The following KRT6C variants were observed in gnomAD, a reference collection of about 807,000 sequenced individuals.
KRT6C encodes keratin 6C, also known as keratin, type II cytoskeletal 6C.
Under a neutral mutation model 49.4 loss-of-function variants are expected in KRT6C, and 46 were observed. That is an observed-to-expected ratio of 0.93 (90% confidence interval 0.74 to 1.19). KRT6C has a LOEUF of 1.19. Ranked by LOEUF, KRT6C falls within the 50% of genes most tolerant of loss-of-function variation. The pLI is 0.00. For missense variants in KRT6C, 552 were observed against 737.5 expected (o/e 0.75, Z 2.91); for synonymous variants, 236 against 297.1 (o/e 0.79, Z 2.12).
Position 52,470,570 on chromosome 12 carries a change from C to T in KRT6C, c.1138G>A (p.Glu380Lys). Residue 380 changes from glutamate to lysine, a missense_variant, in exon 6 of 9, where the codon GAG (glutamate) becomes AAG (lysine). Physicochemically the swap from Glu to Lys is moderately conservative, Grantham distance 56. This residue lies in a region of KRT6C where 425 missense variants were observed against 439.4 expected (regional missense o/e 0.97). Transcript: ENST00000252250. ...ATCATGCGGTTGATCTCAGCAATCT[C>T]CTGCTTGGTGTTGCGCAGGTCGTCC... ...HGDDLRNTKQ[E>K]IAEINRMIQR... 3 of 1,614,114 alleles carry T rather than the reference C, an allele frequency of 1.9e-6. No individual in the cohort carries two copies. Among genetic ancestry groups the T allele is most frequent in the Middle Eastern group, 3.3e-4 (2 of 6,062 alleles).
At position 52,469,820 on chromosome 12, in the gene KRT6C, T is replaced by C. The variant is rs369450600; in HGVS notation, c.1274A>G (p.Asn425Ser). 2.2e-5 allele frequency: 36 copies of C among 1,613,966 alleles called. No homozygotes were observed. In the African/African-American group the frequency reaches 4.3e-4, roughly 19 times the overall value. The stretch of plus-strand genomic sequence containing the variant: ...GGCATCCTCCAGCCCTTCCAGCTTG[T>C]TCTTAGCATCCTTGAGTGCCATCTC... The part of the protein sequence containing the change: ...RGEMALKDAK[N>S]KLEGLEDALQ... The change falls in exon 7 of 9, where the codon AAC (asparagine) becomes AGC (serine). Residue 425 changes from asparagine to serine, a missense_variant. This residue lies in a region of KRT6C where 425 missense variants were observed against 439.4 expected (regional missense o/e 0.97). Coordinates refer to ENST00000252250, the MANE Select transcript of KRT6C (RefSeq NM_173086.5).
intron 7 of KRT6C, 21 bp downstream of exon 7, chr12:52,469,649 G>C (rs1346138040): frequency 6.2e-7 from 1 of 1,614,190 alleles, no homozygotes; most frequent in South Asian, 1.1e-5. Context: ...GCTGTTGGAG[G>C]AAGTCGCGTC....
Position 52,472,965 on chromosome 12 carries a change from G to C in KRT6C, c.540+233C>G, listed in dbSNP as rs113126964. 4.0e-3 allele frequency among the ~76,000 whole-genome samples: 609 copies of C among 150,704 alleles called. 2 individuals are homozygous for C. Among genetic ancestry groups the C allele is most frequent in the African/African-American group, 0.014 (584 of 41,456 alleles). ...TCTGATGGCCTCATCTGTGCTTCAG[G>C]GTTATGAAAAGTTACGGCTCTCCCT... On this transcript the variant is annotated intron_variant, in intron 1 of 8. Coordinates refer to ENST00000252250, the MANE Select transcript of KRT6C (RefSeq NM_173086.5).
At chr12:52,470,202 A>G in intron 6 of KRT6C, 1 of 599,552 alleles carries the variant, frequency 1.7e-6, no homozygotes, top group Non-Finnish European at 2.9e-6. Flanking sequence ...TCAAAACTAC[A>G]AGAATGATTT....
chr12:52,472,797 A>T (rs1418717411), intron 1 of KRT6C, among the ~76,000 whole-genome samples: 1 of 138,416 alleles, frequency 7.2e-6, no homozygotes, highest in Non-Finnish European at 1.7e-5. Context: ...TTCTTAATCC[A>T]GCCAGATTAT....
In KRT6C at chr12:52,473,470, TGCCTCCGGCTCTGCTGCCATAGCC is replaced by T. The variant is rs1937925826; in HGVS notation, c.244_267del (p.Gly82_Gly89del). On this transcript the variant is annotated inframe_deletion, in exon 1 of 9. Coordinates refer to ENST00000252250, the MANE Select transcript of KRT6C (RefSeq NM_173086.5). ...CTCCCGGCGCCACCAAAGCCATAGC[TGCCTCCGGCTCTGCTGCCATAGCC>T]GCCACTGATGGCACAGCTGCCCCCT... is the stretch of plus-strand genomic sequence containing the variant. The T allele has an allele frequency of 7.0e-7, 1 of 1,422,480 alleles. No individual in the cohort carries two copies. The highest frequency in any genetic ancestry group is 9.6e-7 in the Non-Finnish European group (1 of 1,036,700). The allele number at this position is 1,422,480 out of a possible 1,614,324, so 88.1% of individuals were successfully genotyped here.
At chr12:52,470,727 T>C (rs577869609) in intron 5 of KRT6C, 97 bp from the exon 6 acceptor site, 25 of 1,611,202 alleles carry the variant, frequency 1.6e-5, no homozygotes, top group African/African-American at 4.0e-5. Context: ...GAAGTGGACC[T>C]AATGGCTTCT....
rs1937826490 is a variant in KRT6C at position 52,469,191 on chromosome 12, G to T, written c.1566C>A (p.Gly522=). 2 of 1,614,018 alleles carry T rather than the reference G, an allele frequency of 1.2e-6. No homozygotes were observed. The highest frequency in any genetic ancestry group is 1.7e-6 in the Non-Finnish European group (2 of 1,179,882). The part of the protein sequence containing the change: ...GSSYSYGSGL[G]IGGGFSSSSG... ...TGCTGGAACTGAAGCCACCTCCAAT[G>T]CCAAGACCACTGCCATAGGAGTAGC... is the stretch of plus-strand genomic sequence containing the variant. The change falls in exon 9 of 9, where the codon GGC becomes GGA. Residue 522 remains glycine (G), a synonymous_variant. Transcript: ENST00000252250.
rs1937815017 is a variant in KRT6C at position 52,468,735 on chromosome 12, A to C, written c.*327T>G. ...AGCCCCAGGCGATTTTCAGTAATGA[A>C]AAGGAACAGAGATCATTTTCTTATA... On this transcript the variant is annotated 3_prime_UTR_variant, in exon 9 of 9. Coordinates refer to ENST00000252250, the MANE Select transcript of KRT6C (RefSeq NM_173086.5). The C allele has an allele frequency of 2.9e-6, 1 of 341,132 alleles. No homozygotes were observed. Among genetic ancestry groups the C allele is most frequent in the Middle Eastern group, 8.4e-4 (1 of 1,186 alleles). 21.1% of individuals were successfully genotyped at this position (341,132 alleles called of 1,614,324 possible).
intron 5 of KRT6C, among the ~76,000 whole-genome samples, chr12:52,470,866 A>T (rs1937866311): frequency 6.6e-6 from 1 of 152,134 alleles, no homozygotes; most frequent in African/African-American, 2.4e-5. Context: ...ATTCTGTACC[A>T]ATTTCTAAAA....
chr12:52,469,436 G>T lies in KRT6C; in HGVS notation c.1434C>A (p.Gly478=). Residue 478 remains glycine, a synonymous_variant, in exon 8 of 9, where the codon GGC becomes GGA. Transcript: ENST00000252250. ...LLEGEECRLN[G]EGVGQVNVSV... ...AGACGTTGACTTGTCCAACGCCTTC[G>T]CCATTCAGCCTGTGGAGAGGAACAC... 6.2e-7 allele frequency: 1 copy of T among 1,613,948 alleles called. No individual in the cohort carries two copies. The highest frequency in any genetic ancestry group is 1.3e-5 in the African/African-American group (1 of 75,042).
chr12:52,471,488 A>G lies in KRT6C; in HGVS notation c.845T>C (p.Val282Ala), dbSNP rs371438302. The change falls in exon 4 of 9, where the codon GTT (valine) becomes GCT (alanine). Residue 282 changes from valine (V) to alanine (A), a missense_variant. Val to Ala is a moderately conservative substitution (Grantham distance 64). Around this residue, in one of 3 missense-constraint regions of KRT6C, gnomAD observed 425 missense variants for 439.4 expected, o/e 0.97. Transcript: ENST00000252250. ...KDVDAAYMNK[V>A]ELQAKADTLT... ...AGTGTCTGCCTTGGCTTGCAGTTCA[A>G]CCTTGTTCATGTAGGCAGCATCCAC... 2.5e-6 allele frequency: 4 copies of G among 1,613,528 alleles called. No individual in the cohort carries two copies. The African/African-American group carries it at 4.0e-5, about 16-fold the overall frequency.
At chr12:52,470,404 G>A in intron 6 of KRT6C, 101 bp downstream of exon 6, 1 of 1,598,500 alleles carries the variant, frequency 6.3e-7, no homozygotes, top group Non-Finnish European at 8.6e-7. Flanking sequence ...TCACCCTAGT[G>A]TTGGTTTACG....
rs143211712 is a variant in KRT6C, at chr12:52,469,068, C to T, written c.1689G>A (p.Lys563=). Residue 563 remains lysine (K), a synonymous_variant, in exon 9 of 9, where the codon AAG becomes AAA. Transcript: ENST00000252250. ...GAGAGCTGGAGGCAGCACTTTAGTG[C>T]TTGTAGCTCTTCCTGCTGGAGGAGG... The part of the protein sequence containing the change: ...TTSSSSRKSY[K]H The T allele has an allele frequency of 2.2e-4, 348 of 1,613,994 alleles. 1 individual carries two copies. The highest frequency in any genetic ancestry group is 2.8e-4 in the Non-Finnish European group (327 of 1,180,016).
intron 7 of KRT6C, 48 bp downstream of exon 7, chr12:52,469,622 C>T: frequency 1.2e-6 from 2 of 1,614,116 alleles, no homozygotes; most frequent in Non-Finnish European, 1.7e-6. Context: ...GTGCCAGGAA[C>T]CTTGAAGATG....
chr12:52,473,005 G>A, intron 1 of KRT6C, among the ~76,000 whole-genome samples, 193 bp downstream of exon 1: 1 of 150,350 alleles, frequency 6.7e-6, no homozygotes, highest in Non-Finnish European at 1.5e-5. Flanking sequence ...AGGAGTGAGG[G>A]CCACTCCAGA....
chr12:52,470,125 A>G, intron 6 of KRT6C: 1 of 635,798 alleles, frequency 1.6e-6, no homozygotes, highest in Non-Finnish European at 2.7e-6. Context: ...CTTATGGGAG[A>G]CACTACAATG....
At chr12:52,470,229 A>G in intron 6 of KRT6C, 1 of 602,266 alleles carries the variant, frequency 1.7e-6, no homozygotes, top group Non-Finnish European at 2.9e-6. Flanking sequence ...ATACATCTGG[A>G]TGCCACATTA....
chr12:52,468,808 T>C lies in KRT6C; in HGVS notation c.*254A>G. The C allele has an allele frequency of 1.9e-6, 1 of 537,878 alleles. No individual in the cohort carries two copies. Among genetic ancestry groups the C allele is most frequent in the Non-Finnish European group, 3.3e-6 (1 of 302,440 alleles). The allele number at this position is 537,878 out of a possible 1,614,324, so 33.3% of individuals were successfully genotyped here. A position where few individuals can be genotyped will look rare whatever the true frequency, so the allele number is the denominator to read the frequency against. On this transcript the variant is annotated 3_prime_UTR_variant, in exon 9 of 9. Coordinates refer to ENST00000252250, the MANE Select transcript of KRT6C (RefSeq NM_173086.5). The stretch of plus-strand genomic sequence containing the variant: ...ATTTTGGAGGCAAGAAATTAATAAT[T>C]TAGTAACAAAGTGAAGCTCCATTGG...
Sources: allele counts gnomAD v4.1 joint callset (sites outside exome capture counted in the v4.1 genomes callset), GRCh38; gene constraint gnomAD v4.1.1; regional missense constraint gnomAD v4.1.1; transcripts MANE v1.5; gene names NCBI Gene and HGNC (gene_info 2026-07-23, HGNC 2026-07-21).